The following RORA variants were observed in gnomAD, a reference collection of about 807,000 sequenced individuals.
The protein encoded by RORA is RAR related orphan receptor A.
A neutral mutation model predicts 69.5 loss-of-function variants in RORA; 7 were observed. The ratio of observed to expected loss-of-function variants is 0.10; its 90% CI spans 0.06 to 0.19. The LOEUF is 0.19. Ranked by LOEUF, RORA falls within the 10% of genes least tolerant of loss-of-function variation. RORA has a pLI of 1.00. For synonymous variants in RORA, 261 were observed against 240.8 expected, an observed-to-expected ratio of 1.08 and a Z score of -0.78; for missense variants, 457 against 663.0, an observed-to-expected ratio of 0.69 and a Z score of 3.41.
intron 1 of RORA, among the ~76,000 whole-genome samples, chr15:60,723,432 C>T (rs1034707006): frequency 7.0e-6 from 1 of 143,118 alleles, no homozygotes; most frequent in African/African-American, 2.6e-5. Flanking sequence ...TGGAAAATTA[C>T]TTTTTTTTTT....
intron 2 of RORA, among the ~76,000 whole-genome samples, chr15:60,611,871 A>G (rs2069101001): frequency 6.6e-6 from 1 of 152,188 alleles, no homozygotes; most frequent in Non-Finnish European, 1.5e-5. Flanking sequence ...GCCACTTCAG[A>G]ATCCTGTCAC....
chr15:60,725,292 T>C (rs1007725976), intron 1 of RORA, among the ~76,000 whole-genome samples: 7 of 152,326 alleles, frequency 4.6e-5, no homozygotes, highest in Admixed American at 4.6e-4. Flanking sequence ...TGCGCTCTTA[T>C]TACCTGGACT....
intron 1 of RORA, among the ~76,000 whole-genome samples, chr15:60,825,322 C>T (rs1463597364): frequency 6.6e-6 from 1 of 152,188 alleles, no homozygotes; most frequent in Non-Finnish European, 1.5e-5. Context: ...AATTATCATA[C>T]AGGAAAGTCA....
intron 1 of RORA, among the ~76,000 whole-genome samples, chr15:60,831,935 G>C (rs561302624): frequency 7.4e-4 from 112 of 152,286 alleles, no homozygotes; most frequent in African/African-American, 2.6e-3. Flanking sequence ...AGCTAATATG[G>C]TAGGAGGTAC....
At position 60,614,871 on chromosome 15, in the gene RORA, T is replaced by G. The variant is rs371383819; in HGVS notation, c.196+63786A>C. ...TACATACATATAGCTGCCTGGAGCA[T>G]AGTAAGCTCTCAAATAACGCACCTT... On this transcript the variant is annotated intron_variant, in intron 2 of 10. Coordinates refer to ENST00000335670, the MANE Select transcript of RORA (RefSeq NM_134261.3). The G allele has an allele frequency of 6.2e-6, 10 of 1,600,874 alleles. No homozygotes were observed. The African/African-American group carries it at 1.3e-4, about 21-fold the overall frequency.
At chr15:60,581,450 G>C (rs549304794) in intron 2 of RORA, among the ~76,000 whole-genome samples, 1 of 152,130 alleles carries the variant, frequency 6.6e-6, no homozygotes, top group Admixed American at 6.5e-5. Flanking sequence ...TTGATGTTAC[G>C]GATGCAACTT....
intron 1 of RORA, among the ~76,000 whole-genome samples, chr15:60,991,955 G>C (rs1265565359): frequency 1.4e-5 from 2 of 147,866 alleles, no homozygotes; most frequent in African/African-American, 5.1e-5. Context: ...ATGGTAAAAA[G>C]TTAGAAACAA....
At chr15:60,573,431 CTTTTT>C (rs1011718972) in intron 2 of RORA, among the ~76,000 whole-genome samples, 1 of 152,098 alleles carries the variant, frequency 6.6e-6, no homozygotes, top group African/African-American at 2.4e-5. Flanking sequence ...ATCCAAAAAG[CTTTTT>C]TATCTCTTGA....
intron 1 of RORA, among the ~76,000 whole-genome samples, chr15:60,820,052 T>C (rs1012179232): frequency 6.6e-6 from 1 of 152,248 alleles, no homozygotes; most frequent in Non-Finnish European, 1.5e-5. Flanking sequence ...TTCATGCGTG[T>C]GCACGCGGTC....
intron 1 of RORA, among the ~76,000 whole-genome samples, chr15:61,007,237 T>C (rs1894937557): frequency 6.6e-6 from 1 of 152,208 alleles, no homozygotes; most frequent in Non-Finnish European, 1.5e-5. Flanking sequence ...TTGGTTGTTT[T>C]GGGTGTATAA....
At chr15:60,603,306 G>C (rs1444682330) in intron 2 of RORA, among the ~76,000 whole-genome samples, 3 of 152,186 alleles carry the variant, frequency 2.0e-5, no homozygotes, top group African/African-American at 4.8e-5. Context: ...GATCATATGG[G>C]ATGGATATAT....
At chr15:60,786,011 AAT>A (rs2072329315) in intron 1 of RORA, among the ~76,000 whole-genome samples, 1 of 152,220 alleles carries the variant, frequency 6.6e-6, no homozygotes, top group African/African-American at 2.4e-5. Context: ...GAATGGAATG[AAT>A]GGATCCCTGA....
chr15:60,797,120 G>T (rs909085380), intron 1 of RORA, among the ~76,000 whole-genome samples: 2 of 150,186 alleles, frequency 1.3e-5, no homozygotes, highest in Non-Finnish European at 3.0e-5. Context: ...CAGATTAGTG[G>T]TTGCCAGTGG....
intron 1 of RORA, among the ~76,000 whole-genome samples, chr15:61,005,577 C>T (rs1595873383): frequency 8.9e-6 from 1 of 112,540 alleles, no homozygotes; most frequent in Admixed American, 8.3e-5. Flanking sequence ...AAAGCTTTCT[C>T]TCTCTCTCTT....
Position 60,776,419 on chromosome 15 carries a change from C to T in RORA, c.167-97733G>A, listed in dbSNP as rs556025422. Among the ~76,000 whole-genome samples the T allele has an allele frequency of 1.1e-4, 16 of 152,300 alleles. No homozygotes were observed. In the East Asian group the frequency reaches 3.1e-3, roughly 29 times the overall value. On this transcript the variant is annotated intron_variant, in intron 1 of 10. Coordinates refer to ENST00000335670, the MANE Select transcript of RORA (RefSeq NM_134261.3). ...TCCAGGCATTTAAAGACGCAAAAGG[C>T]TGCCTGCTGGGGAGCAAAGGCCTGG...
At chr15:61,206,868 C>T (rs143721113) in intron 1 of RORA, among the ~76,000 whole-genome samples, 384 of 152,284 alleles carry the variant, frequency 2.5e-3, no homozygotes, top group Non-Finnish European at 4.7e-3. Flanking sequence ...ATGGATTCAA[C>T]AAAGGCAAAG....
At chr15:60,569,222 G>A (rs1259498776) in intron 2 of RORA, among the ~76,000 whole-genome samples, 1 of 146,586 alleles carries the variant, frequency 6.8e-6, no homozygotes, top group Non-Finnish European at 1.5e-5. Context: ...TTCGAGACTA[G>A]CCTAGGCCAC....
At chr15:61,177,497 C>T (rs1029685339) in intron 1 of RORA, among the ~76,000 whole-genome samples, 5 of 152,220 alleles carry the variant, frequency 3.3e-5, no homozygotes, top group East Asian at 1.9e-4. Context: ...ATGTTTACAA[C>T]GATGTGAAAA....
chr15:60,902,471 C>A (rs532847609), intron 1 of RORA, among the ~76,000 whole-genome samples: 1 of 152,274 alleles, frequency 6.6e-6, no homozygotes, highest in Admixed American at 6.5e-5. Flanking sequence ...TGGCTCAGCC[C>A]TAAGAATGCT....
Sources: gnomAD v4.1 joint callset for allele counts (sites outside exome capture counted in the v4.1 genomes callset) on GRCh38, gnomAD v4.1.1 for gene constraint, MANE v1.5 for transcripts, NCBI Gene and HGNC (gene_info 2026-07-23, HGNC 2026-07-21) for gene names.